Variants in ZMYM1 observed in about 807,000 individuals in gnomAD.
ZMYM1 encodes zinc finger MYM-type containing 1, also known as zinc finger MYM-type protein 1.
A neutral mutation model predicts 60.0 loss-of-function variants in ZMYM1; 39 were observed. That is an observed-to-expected ratio of 0.65 (90% CI 0.50 to 0.85). The LOEUF (loss-of-function observed/expected upper bound fraction) is 0.85. ZMYM1 is among the 40% of genes least tolerant of loss of function. The pLI is 0.00. For synonymous variants in ZMYM1, 413 were observed against 454.0 expected (o/e 0.91, Z 1.15); for missense variants, 1,171 against 1,309.5 (o/e 0.89, Z 1.63).
At chr1:35,101,092 C>T (rs886212647) in intron 4 of ZMYM1, among the ~76,000 whole-genome samples, 11 of 148,798 alleles carry the variant, frequency 7.4e-5, no homozygotes, top group Non-Finnish European at 1.2e-4. Context: ...CGTGAGCCAC[C>T]GTACCCAGCC....
intron 6 of ZMYM1, among the ~76,000 whole-genome samples, chr1:35,105,465 G>T (rs373700994): frequency 6.9e-6 from 1 of 144,884 alleles, no homozygotes; most frequent in South Asian, 2.2e-4. Context: ...ACGGAGTCTC[G>T]CTGTCTTGCC....
intron 3 of ZMYM1, 76 bp downstream of exon 3, chr1:35,095,967 G>C: frequency 1.8e-6 from 2 of 1,115,502 alleles, no homozygotes; most frequent in South Asian, 2.7e-5. Flanking sequence ...TAATGCCTTT[G>C]AATATTGCTT....
chr1:35,077,458 TA>T (rs1216978324), upstream of ZMYM1, among the ~76,000 whole-genome samples: 113 of 152,314 alleles, frequency 7.4e-4, 1 homozygote, highest in South Asian at 0.017. Flanking sequence ...ACTGCCTTTA[TA>T]AGATTAACAA....
upstream of ZMYM1, among the ~76,000 whole-genome samples, chr1:35,075,108 C>G (rs1642144907): frequency 6.6e-6 from 1 of 152,104 alleles, no homozygotes; most frequent in African/African-American, 2.4e-5. Flanking sequence ...TTGTTATATC[C>G]TCTTGTTAAA....
In ZMYM1 at chr1:35,110,275, T is replaced by C; in HGVS notation, c.808-19T>C. 2.7e-6 allele frequency: 4 copies of C among 1,462,802 alleles called. No homozygotes were observed. The highest frequency in any genetic ancestry group is 3.6e-6 in the Non-Finnish European group (4 of 1,107,232). 90.6% of individuals were successfully genotyped at this position (1,462,802 alleles called of 1,614,324 possible). ...TATCATATACCAGGAATATGAATAT[T>C]ATTTTAATCTCTAAACAGAAACCTG... On this transcript the variant is annotated intron_variant, in intron 6 of 9. Coordinates refer to ENST00000359858, the MANE Select transcript of ZMYM1 (RefSeq NM_024772.5).
rs544051761 is a variant in ZMYM1, at chr1:35,094,764, G to A, written c.96+681G>A. Among the ~76,000 whole-genome samples, 11 of 152,164 alleles carry A rather than the reference G, an allele frequency of 7.2e-5. No homozygotes were observed. In the South Asian group the frequency reaches 1.0e-3, roughly 14 times the overall value. ...CTTCAGAGGCTACAACAGGAGGATC[G>A]CTTGAGCCCAGGAATTCAAGGAAGC... On this transcript the variant is annotated intron_variant, in intron 2 of 9. Transcript: ENST00000359858.
At chr1:35,081,692 T>C (rs1557639256) in intron 1 of ZMYM1, among the ~76,000 whole-genome samples, 1 of 151,906 alleles carries the variant, frequency 6.6e-6, no homozygotes, top group East Asian at 1.9e-4. Context: ...AGAAATAAAA[T>C]TGATTTTTTG....
In ZMYM1 at chr1:35,115,350, G is replaced by A. The variant is rs1230776577; in HGVS notation, c.*91G>A. The A allele has an allele frequency of 3.5e-5, 49 of 1,386,564 alleles. No homozygotes were observed. Among genetic ancestry groups the A allele is most frequent in the Non-Finnish European group, 4.3e-5 (45 of 1,048,020 alleles). The allele number at this position is 1,386,564 out of a possible 1,614,324, so 85.9% of individuals were successfully genotyped here. On this transcript the variant is annotated 3_prime_UTR_variant, in exon 10 of 10. Coordinates refer to ENST00000359858, the MANE Select transcript of ZMYM1 (RefSeq NM_024772.5). The stretch of plus-strand genomic sequence containing the variant: ...GTTCAAAATTCAAAAGACACAGAAC[G>A]ATAAACAGTGAAGTCTCCTTCCCTC...
chr1:35,079,669 G>T (rs566541657), intron 1 of ZMYM1, among the ~76,000 whole-genome samples: 72 of 152,310 alleles, frequency 4.7e-4, no homozygotes, highest in Non-Finnish European at 8.8e-4. Context: ...AGACTGGGGG[G>T]GTTAGTGCTC....
At chr1:35,080,385 G>A (rs929906602) in intron 1 of ZMYM1, among the ~76,000 whole-genome samples, 1 of 148,236 alleles carries the variant, frequency 6.7e-6, no homozygotes, top group African/African-American at 2.5e-5. Context: ...ACACGATCAC[G>A]GCTCACAAGC....
chr1:35,070,185 G>A (rs1199162286), intron 1 of ZMYM1, among the ~76,000 whole-genome samples: 1 of 151,882 alleles, frequency 6.6e-6, no homozygotes, highest in Admixed American at 6.6e-5. Context: ...GGTAGTGTGG[G>A]GATTTCAACA....
intron 1 of ZMYM1, among the ~76,000 whole-genome samples, chr1:35,079,814 C>T (rs547769800): frequency 1.2e-4 from 19 of 152,074 alleles, no homozygotes; most frequent in South Asian, 2.1e-4. Context: ...AGTGATTTTT[C>T]AAAAGTTTGA....
chr1:35,114,735 T>A lies in ZMYM1; in HGVS notation c.2905T>A (p.Tyr969Asn). The A allele has an allele frequency of 6.3e-7, 1 of 1,576,066 alleles. No homozygotes were observed. Among genetic ancestry groups the A allele is most frequent in the Non-Finnish European group, 8.6e-7 (1 of 1,161,490 alleles). Residue 969 changes from tyrosine to asparagine, a missense_variant, in exon 10 of 10, where the codon TAC becomes AAC. Coordinates refer to ENST00000359858, the MANE Select transcript of ZMYM1 (RefSeq NM_024772.5). ...AGAACAATATAAAATTAATATCTATTACCAAGGATTAGATACTATATTACA... is the reference window on the plus strand; with the variant it reads ...AGAACAATATAAAATTAATATCTATAACCAAGGATTAGATACTATATTACA... Reference protein sequence around the residue: ...TEEQYKINIYYQGLDTILQNL... With the variant: ...TEEQYKINIYNQGLDTILQNL...
chr1:35,110,646 G>A (rs913844901), intron 7 of ZMYM1, among the ~76,000 whole-genome samples, 199 bp downstream of exon 7: 1 of 151,776 alleles, frequency 6.6e-6, no homozygotes, highest in Non-Finnish European at 1.5e-5. Context: ...TTTAATATTT[G>A]TAGGCCAAGC....
At chr1:35,081,719 G>A (rs1025839650) in intron 1 of ZMYM1, among the ~76,000 whole-genome samples, 8 of 152,014 alleles carry the variant, frequency 5.3e-5, no homozygotes, top group East Asian at 1.9e-4. Flanking sequence ...TGTTTGAGAC[G>A]GAGTCGCACT....
chr1:35,106,258 T>C (rs1336660802), intron 6 of ZMYM1, among the ~76,000 whole-genome samples: 1 of 152,140 alleles, frequency 6.6e-6, no homozygotes, highest in Non-Finnish European at 1.5e-5. Context: ...CTTAGATATG[T>C]TGCTTGTTCA....
chr1:35,104,153 G>A (rs1384050542), intron 4 of ZMYM1, 142 bp from the exon 5 acceptor site: 1 of 690,586 alleles, frequency 1.4e-6, no homozygotes, highest in Non-Finnish European at 2.4e-6. Flanking sequence ...GAGTATAAAT[G>A]TGACAGAACT....
chr1:35,076,946 AAAAAG>A (rs1182888697), upstream of ZMYM1, among the ~76,000 whole-genome samples: 57 of 132,130 alleles, frequency 4.3e-4, no homozygotes, highest in East Asian at 5.1e-3. Context: ...AAAAAAAAAA[AAAAAG>A]AAAAGAAAAG....
intron 1 of ZMYM1, among the ~76,000 whole-genome samples, chr1:35,061,679 G>A (rs1187932933): frequency 2.6e-5 from 4 of 151,516 alleles, no homozygotes; most frequent in Admixed American, 6.6e-5. Flanking sequence ...GGGAGGCTGA[G>A]GCAGGAGAAT....
Sources: gnomAD v4.1 joint callset for allele counts (sites outside exome capture counted in the v4.1 genomes callset) on GRCh38, gnomAD v4.1.1 for gene constraint, MANE v1.5 for transcripts, NCBI Gene and HGNC (gene_info 2026-07-23, HGNC 2026-07-21) for gene names.